PICALM: variants seen among roughly 807,000 people sequenced by gnomAD.
PICALM encodes phosphatidylinositol-binding clathrin assembly protein.
A neutral mutation model predicts 80.5 loss-of-function variants in PICALM; 40 were observed. The observed-to-expected ratio is 0.50, with a 90% CI of 0.39 to 0.65. PICALM has a LOEUF of 0.65. Among genes scored for constraint, PICALM ranks in the 30% least tolerant of loss-of-function variants. PICALM has a pLI of 0.00. For missense variants in PICALM, 676 were observed against 778.9 expected, an observed-to-expected ratio of 0.87 and a Z score of 1.57; for synonymous variants, 288 against 260.3, an observed-to-expected ratio of 1.11 and a Z score of -1.02.
At position 86,041,947 on chromosome 11, in the gene PICALM, A is replaced by G. The variant is rs571189933; in HGVS notation, c.131-10336T>C. ...CCACTGACTTGTATTTTCAAATGAA[A>G]GAGTTGTTCCTCCCCCCTCCTCTGA... is the stretch of plus-strand genomic sequence containing the variant. On this transcript the variant is annotated intron_variant, in intron 1 of 19. Transcript: ENST00000393346. 3.3e-5 allele frequency among the ~76,000 whole-genome samples: 5 copies of G among 152,264 alleles called. No homozygotes were observed. In the South Asian group the frequency reaches 1.0e-3, roughly 32 times the overall value.
rs59740555 is a variant in PICALM, at chr11:86,008,952, C to CAA, written c.766-1371_766-1370dup. 1.4e-3 allele frequency among the ~76,000 whole-genome samples: 91 copies of CAA among 62,842 alleles called. 1 individual carries two copies. Among genetic ancestry groups the CAA allele is most frequent in the African/African-American group, 3.6e-3 (59 of 16,410 alleles). The allele number at this position is 62,842 out of a possible 152,430, so 41.2% of individuals were successfully genotyped here. On this transcript the variant is annotated intron_variant, in intron 7 of 19. Transcript: ENST00000393346. ...CCAGAAAAAGGAAAAAAAAAAAAGC[C>CAA]AAAAAAAAAAAAAAAGAAAAAAAGC...
At chr11:85,987,717 T>C (rs1190084516) in intron 13 of PICALM, among the ~76,000 whole-genome samples, 1 of 152,240 alleles carries the variant, frequency 6.6e-6, no homozygotes, top group African/African-American at 2.4e-5. Context: ...GCTATCCTCC[T>C]GCCTCAGCTT....
At chr11:85,983,781 A>C (rs1398154308) in intron 14 of PICALM, 85 bp downstream of exon 14, 1 of 615,442 alleles carries the variant, frequency 1.6e-6, no homozygotes, top group African/African-American at 1.9e-5. Context: ...ATATATCTAA[A>C]CATTTTAAAA....
chr11:86,005,877 T>C, intron 8 of PICALM, among the ~76,000 whole-genome samples: 1 of 152,062 alleles, frequency 6.6e-6, no homozygotes, highest in Non-Finnish European at 1.5e-5. Context: ...CTTTTGAAAA[T>C]TTTCTGAATC....
intron 17 of PICALM, among the ~76,000 whole-genome samples, chr11:85,979,228 G>A (rs2094368157): frequency 6.6e-6 from 1 of 152,138 alleles, no homozygotes; most frequent in Non-Finnish European, 1.5e-5. Flanking sequence ...GGTAGCTCAG[G>A]CCTGTAATCC....
At chr11:85,971,170 T>C (rs926693764) in intron 19 of PICALM, among the ~76,000 whole-genome samples, 32 of 152,234 alleles carry the variant, frequency 2.1e-4, no homozygotes, top group African/African-American at 7.0e-4. Flanking sequence ...AGCCATTTCA[T>C]TGCTGCCTGA....
At chr11:86,061,377 T>C (rs2096363326) in intron 1 of PICALM, among the ~76,000 whole-genome samples, 1 of 132,858 alleles carries the variant, frequency 7.5e-6, no homozygotes, top group Non-Finnish European at 1.6e-5. Flanking sequence ...ACACATTTGA[T>C]AAAGGACTGT....
intron 8 of PICALM, among the ~76,000 whole-genome samples, chr11:86,004,738 C>T (rs933649577): frequency 6.6e-6 from 1 of 152,062 alleles, no homozygotes; most frequent in Non-Finnish European, 1.5e-5. Context: ...AGGGGCAATA[C>T]CTGCTAATTT....
intron 1 of PICALM, among the ~76,000 whole-genome samples, chr11:86,051,625 C>T (rs1159392274): frequency 6.6e-6 from 1 of 151,530 alleles, no homozygotes; most frequent in Non-Finnish European, 1.5e-5. Context: ...CGCGACACTG[C>T]ACTCCAGCCT....
chr11:86,016,949 C>T (rs1020018880), intron 4 of PICALM, among the ~76,000 whole-genome samples: 3 of 152,142 alleles, frequency 2.0e-5, no homozygotes, highest in Non-Finnish European at 4.4e-5. Context: ...AGGCTGGGCG[C>T]GTTGGCTCAC....
At chr11:86,055,104 G>A (rs2508697) in intron 1 of PICALM, among the ~76,000 whole-genome samples, 66,178 of 151,796 alleles carry the variant, frequency 0.44, 14,616 homozygotes, top group East Asian at 0.6. Flanking sequence ...GCTGAGATGG[G>A]TGGATCACCT....
chr11:85,978,211 T>TA (rs1352115230), intron 17 of PICALM: 1 of 793,552 alleles, frequency 1.3e-6, no homozygotes, highest in Non-Finnish European at 2.2e-6. Flanking sequence ...ACTAACTACC[T>TA]AAAATCCCTT....
At position 85,978,965 on chromosome 11, in the gene PICALM, T is replaced by C. The variant is rs77313734; in HGVS notation, c.1779+2164A>G. Among the ~76,000 whole-genome samples, 1,170 of 152,178 alleles carry C rather than the reference T, an allele frequency of 7.7e-3. 15 individuals carry two copies. Among genetic ancestry groups the C allele is most frequent in the African/African-American group, 0.027 (1,120 of 41,514 alleles). ...AATCCACTACTCTAAACTCCTACCA[T>C]ACCCTAGTCAGTGAGGTGTGTTATA... On this transcript the variant is annotated intron_variant, in intron 17 of 19. Transcript: ENST00000393346.
Position 85,974,766 on chromosome 11 carries a change from A to G in PICALM, c.1886T>C (p.Ile629Thr), listed in dbSNP as rs751287784. The G allele has an allele frequency of 7.4e-6, 12 of 1,613,980 alleles. No individual in the cohort carries two copies. The highest frequency in any genetic ancestry group is 3.3e-4 in the Middle Eastern group (2 of 6,058). Residue 629 changes from isoleucine to threonine, a missense_variant, in exon 19 of 20, where the codon ATA becomes ACA. Physicochemically the swap from Ile to Thr is moderately conservative, Grantham distance 89 (BLOSUM62 -1). Around this residue, in one of 2 missense-constraint regions of PICALM, gnomAD observed 391 missense variants for 383.6 expected, o/e 1.02. Transcript: ENST00000393346. Reference protein sequence around the residue: ...SVPVMTQPTLIYSQPVMRPPN... With the variant: ...SVPVMTQPTLTYSQPVMRPPN... ...AGGTCTCATGACAGGCTGGCTGTAT[A>G]TTAAGGTTGGTTGCGTCATTACAGG...
chr11:86,009,706 C>CA (rs947632011), intron 7 of PICALM, among the ~76,000 whole-genome samples: 1 of 150,238 alleles, frequency 6.7e-6, no homozygotes, highest in Non-Finnish European at 1.5e-5. Context: ...AACAAACAAA[C>CA]AAAAAAAACT....
chr11:86,036,595 C>T lies in PICALM; in HGVS notation c.131-4984G>A, dbSNP rs796630333. The stretch of plus-strand genomic sequence containing the variant: ...TAATCAGATGGCTTTTAGAACAATA[C>T]TAATGAAGCTAAGGGACCTAATTCA... On this transcript the variant is annotated intron_variant, in intron 1 of 19. Coordinates refer to ENST00000393346, the MANE Select transcript of PICALM (RefSeq NM_007166.4). Among the ~76,000 whole-genome samples the T allele has an allele frequency of 3.9e-4, 60 of 152,234 alleles. 1 individual carries two copies. The highest frequency in any genetic ancestry group is 1.3e-3 in the African/African-American group (53 of 41,536).
At chr11:86,031,361 G>T in intron 2 of PICALM, 108 bp downstream of exon 2, 1 of 758,246 alleles carries the variant, frequency 1.3e-6, no homozygotes, top group African/African-American at 1.8e-5. Flanking sequence ...TTCTGGCTAG[G>T]CACCTTGACC....
intron 5 of PICALM, 41 bp from the exon 6 acceptor site, chr11:86,012,433 T>G (rs1341921587): frequency 1.8e-6 from 2 of 1,086,446 alleles, no homozygotes; most frequent in Admixed American, 1.8e-5. Flanking sequence ...AATCTTAGGT[T>G]TTAAATGACA....
chr11:86,000,902 G>C, intron 10 of PICALM, 123 bp from the exon 11 acceptor site: 2 of 1,480,456 alleles, frequency 1.4e-6, no homozygotes, highest in Non-Finnish European at 1.8e-6. Context: ...TTCTATGTCA[G>C]GACGAAAAGT....
Sources: gnomAD v4.1 joint callset for allele counts (sites outside exome capture counted in the v4.1 genomes callset) on GRCh38, gnomAD v4.1.1 for gene constraint, gnomAD v4.1.1 regional missense constraint, MANE v1.5 for transcripts, NCBI Gene and HGNC (gene_info 2026-07-23, HGNC 2026-07-21) for gene names.